ROS1: variants seen among roughly 807,000 people sequenced by gnomAD.
The protein encoded by ROS1 is ROS proto-oncogene 1, receptor tyrosine kinase.
In ROS1, 263 loss-of-function variants were observed where a neutral mutation model predicts 273.5. The ratio of observed to expected loss-of-function variants is 0.96; its 90% CI spans 0.87 to 1.06. The LOEUF (loss-of-function observed/expected upper bound fraction) is 1.06, where lower values mean the gene tolerates loss of function less well. Ranked by LOEUF, ROS1 falls within the 50% of genes least tolerant of loss-of-function variation. The pLI is 0.00. For missense variants in ROS1, 2,833 were observed against 2,751.1 expected, an observed-to-expected ratio of 1.03 and a Z score of -0.67; for synonymous variants, 1,008 against 954.1, an observed-to-expected ratio of 1.06 and a Z score of -1.04.
intron 4 of ROS1, among the ~76,000 whole-genome samples, chr6:117,414,240 A>G (rs964806563): frequency 3.9e-5 from 6 of 152,148 alleles, no homozygotes; most frequent in African/African-American, 1.4e-4. Context: ...AACCTCCCAA[A>G]CCAGATTAGA....
chr6:117,398,191 C>A (rs768633760), intron 7 of ROS1, among the ~76,000 whole-genome samples: 1 of 151,994 alleles, frequency 6.6e-6, no homozygotes, highest in East Asian at 1.9e-4. Context: ...AGGGTCAATG[C>A]CCAAATGTGA....
Position 117,360,352 on chromosome 6 carries a change from AGACTTTACAACGTC to A in ROS1, c.3406_3419del (p.Asp1136TyrfsTer17). The stretch of plus-strand genomic sequence containing the variant: ...TTAGAAAACAAATACCTGATGTTGT[AGACTTTACAACGTC>A]AGCATATGGTCCTGGCCCCTTAGAT... On this transcript the variant is annotated frameshift_variant, in exon 23 of 44. Transcript: ENST00000368507. LOFTEE classifies it high-confidence loss of function. 2 of 1,613,216 alleles carry A rather than the reference AGACTTTACAACGTC, an allele frequency of 1.2e-6. No individual in the cohort carries two copies. Among genetic ancestry groups the A allele is most frequent in the East Asian group, 4.5e-5 (2 of 44,850 alleles).
chr6:117,398,374 TAAA>T (rs1430974124), intron 7 of ROS1, among the ~76,000 whole-genome samples: 1 of 152,092 alleles, frequency 6.6e-6, no homozygotes, highest in African/African-American at 2.4e-5. Flanking sequence ...AAGACCCAGT[TAAA>T]AGGCAATAGC....
In ROS1 at chr6:117,409,574, C is replaced by A; in HGVS notation, c.316+8G>T. The A allele has an allele frequency of 4.3e-6, 7 of 1,610,388 alleles. No individual in the cohort carries two copies. The highest frequency in any genetic ancestry group is 5.1e-6 in the Non-Finnish European group (6 of 1,176,830). ...CCTATTTTTTAAAAGTCGTGTGTGT[C>A]CTCTTACCCAGTACTTCCTCTTCAT... On this transcript the variant is annotated splice_region_variant and intron_variant, in intron 5 of 43. Transcript: ENST00000368507.
At chr6:117,393,730 A>G (rs1535329) in intron 11 of ROS1, among the ~76,000 whole-genome samples, 3 of 151,736 alleles carry the variant, frequency 2.0e-5, no homozygotes, top group Non-Finnish European at 4.4e-5. Context: ...ACCACCACCA[A>G]CAACAACAAC....
chr6:117,295,138 G>A (rs912766761), intron 43 of ROS1, among the ~76,000 whole-genome samples: 1 of 151,912 alleles, frequency 6.6e-6, no homozygotes, highest in Admixed American at 6.6e-5. Flanking sequence ...TATACAGAAT[G>A]GAATACATAA....
intron 16 of ROS1, among the ~76,000 whole-genome samples, chr6:117,384,319 G>T (rs540999109): frequency 3.3e-5 from 5 of 152,222 alleles, no homozygotes; most frequent in African/African-American, 9.6e-5. Flanking sequence ...CCTCAGAAGA[G>T]CAGGGACAAC....
intron 33 of ROS1, among the ~76,000 whole-genome samples, chr6:117,326,995 C>T (rs1776688456): frequency 6.6e-6 from 1 of 152,126 alleles, no homozygotes; most frequent in African/African-American, 2.4e-5. Context: ...GGGCTGGGTT[C>T]AAAAGACATA....
chr6:117,341,192 A>G lies in ROS1; in HGVS notation c.5004T>C (p.Phe1668=), dbSNP rs1264140574. ...SLVPENTSLQ[F]NWKAPLNVNL... ...TAACATTCAATGGAGCCTTCCAATT[A>G]AATTGCAAACTAGTGTTCTCTGGAA... The change falls in exon 31 of 44, where the codon TTT becomes TTC. Residue 1668 remains phenylalanine, a synonymous_variant. Transcript: ENST00000368507. 2 of 1,613,444 alleles carry G rather than the reference A, an allele frequency of 1.2e-6. No homozygotes were observed. Among genetic ancestry groups the G allele is most frequent in the Non-Finnish European group, 1.7e-6 (2 of 1,179,524 alleles).
At chr6:117,319,163 A>G (rs1368583635) in intron 37 of ROS1, among the ~76,000 whole-genome samples, 1 of 152,142 alleles carries the variant, frequency 6.6e-6, no homozygotes, top group Non-Finnish European at 1.5e-5. Context: ...TTATCAAAAG[A>G]AAGTTTTTGC....
chr6:117,388,066 T>C (rs766033783), intron 13 of ROS1, 74 bp from the exon 14 acceptor site: 1 of 1,600,630 alleles, frequency 6.2e-7, no homozygotes, highest in Middle Eastern at 1.7e-4. Context: ...TCTCCATAAA[T>C]TCACCTACAG....
chr6:117,351,003 C>T (rs1161653352), intron 27 of ROS1, among the ~76,000 whole-genome samples: 1 of 152,174 alleles, frequency 6.6e-6, no homozygotes, highest in East Asian at 1.9e-4. Context: ...GATAGTTCCT[C>T]TATCTCTTCA....
In ROS1 at chr6:117,288,313, T is replaced by C; in HGVS notation, c.*179A>G. On this transcript the variant is annotated 3_prime_UTR_variant, in exon 44 of 44. Transcript: ENST00000368507. The stretch of plus-strand genomic sequence containing the variant: ...TCTACTGAAAGTCAGGCAGCTGGTA[T>C]GGGGATTGCTACAACTGAAACCAAA... 1.6e-6 allele frequency: 1 copy of C among 607,838 alleles called. No individual in the cohort carries two copies. Among genetic ancestry groups the C allele is most frequent in the Non-Finnish European group, 2.9e-6 (1 of 348,822 alleles). The allele number at this position is 607,838 out of a possible 1,614,324, so 37.7% of individuals were successfully genotyped here.
At position 117,393,432 on chromosome 6, in the gene ROS1, A is replaced by G. The variant is rs184568582; in HGVS notation, c.1192-111T>C. ...TCTGTTGGAATTGTACTAGGCACTG[A>G]GCACTGCCCAAGACAAATGAGCAAA... On this transcript the variant is annotated intron_variant, in intron 11 of 43. Coordinates refer to ENST00000368507, the MANE Select transcript of ROS1 (RefSeq NM_001378902.1). 49 of 719,980 alleles carry G rather than the reference A, an allele frequency of 6.8e-5. No homozygotes were observed. The African/African-American group carries it at 7.9e-4, about 12-fold the overall frequency. 44.6% of individuals were successfully genotyped at this position (719,980 alleles called of 1,614,324 possible).
intron 25 of ROS1, 96 bp downstream of exon 25, chr6:117,357,708 T>G: frequency 1.2e-5 from 10 of 810,552 alleles, no homozygotes; most frequent in Non-Finnish European, 1.3e-5. Context: ...ATCTTATTTT[T>G]CCATAATTGT....
intron 15 of ROS1, among the ~76,000 whole-genome samples, chr6:117,386,435 G>C (rs1305350751): frequency 6.6e-6 from 1 of 152,232 alleles, no homozygotes; most frequent in Admixed American, 6.5e-5. Context: ...TCCTTCTAAC[G>C]CCTTCCAGGC....
In ROS1 at chr6:117,394,191, G is replaced by T. The variant is rs1403417515; in HGVS notation, c.1162C>A (p.Gln388Lys). The T allele has an allele frequency of 1.0e-5, 16 of 1,594,114 alleles. No individual in the cohort carries two copies. Among genetic ancestry groups the T allele is most frequent in the Non-Finnish European group, 1.4e-5 (16 of 1,171,720 alleles). ...TCATCCATGATGAAATACATTCTTT[G>T]ATAAAGCCAATCTATGGAGATAGAA... ...ISSISIDWLY[Q>K]RMYFIMDELV... The change falls in exon 11 of 44, where the codon CAA (glutamine) becomes AAA (lysine). Residue 388 changes from glutamine (Q) to lysine (K), a missense_variant. By Grantham distance (53) the Gln-to-Lys change is moderately conservative. Transcript: ENST00000368507.
intron 43 of ROS1, 117 bp from the exon 44 acceptor site, chr6:117,288,919 T>C (rs531925283): frequency 2.5e-6 from 2 of 789,722 alleles, no homozygotes; most frequent in South Asian, 3.9e-5. Flanking sequence ...CAGCAAACAT[T>C]TATGAAGACT....
At chr6:117,351,414 T>C (rs1778853282) in intron 27 of ROS1, among the ~76,000 whole-genome samples, 2 of 152,004 alleles carry the variant, frequency 1.3e-5, no homozygotes, top group African/African-American at 4.8e-5. Flanking sequence ...ATTTTTCCTT[T>C]TCCCTTCTCT....
Sources: allele counts gnomAD v4.1 joint callset (sites outside exome capture counted in the v4.1 genomes callset), GRCh38; gene constraint gnomAD v4.1.1; transcripts MANE v1.5; gene names NCBI Gene and HGNC (gene_info 2026-07-23, HGNC 2026-07-21).